Variants in SUGCT observed in about 807,000 individuals in gnomAD.
The protein encoded by SUGCT is succinyl-CoA:glutarate CoA-transferase.
A neutral mutation model predicts 55.0 loss-of-function variants in SUGCT; 41 were observed. The ratio of observed to expected loss-of-function variants is 0.74; its 90% CI spans 0.58 to 0.97. The LOEUF (loss-of-function observed/expected upper bound fraction) is 0.97, where lower values mean the gene tolerates loss of function less well. SUGCT is among the 50% of genes least tolerant of loss of function. The pLI is 0.00. For synonymous variants in SUGCT, 187 were observed against 200.4 expected (o/e 0.93, Z 0.56); for missense variants, 568 against 547.8 (o/e 1.04, Z -0.37).
intron 7 of SUGCT, among the ~76,000 whole-genome samples, chr7:40,268,457 A>T (rs1791757702): frequency 6.6e-6 from 1 of 152,044 alleles, no homozygotes; most frequent in Admixed American, 6.6e-5. Context: ...AAAATATCCC[A>T]CCGTATTGTA....
the SUGCT span, among the ~76,000 whole-genome samples, chr7:40,882,420 C>T: frequency 6.6e-6 from 1 of 152,158 alleles, no homozygotes; most frequent in Non-Finnish European, 1.5e-5. Context: ...ATTTTATCCT[C>T]TTTTCTCCTA....
intron 13 of SUGCT, among the ~76,000 whole-genome samples, chr7:40,840,286 T>C (rs907806494): frequency 5.9e-5 from 9 of 152,138 alleles, no homozygotes; most frequent in African/African-American, 2.2e-4. Context: ...TGGTATATGC[T>C]TGTAATCCTA....
At chr7:40,283,588 A>C (rs1046917362) in intron 8 of SUGCT, among the ~76,000 whole-genome samples, 18 of 152,152 alleles carry the variant, frequency 1.2e-4, no homozygotes, top group African/African-American at 4.1e-4. Context: ...AATGTCCAAC[A>C]CTATGAATCA....
chr7:40,412,469 T>G (rs2151346681), intron 9 of SUGCT, among the ~76,000 whole-genome samples: 1 of 152,352 alleles, frequency 6.6e-6, no homozygotes, highest in East Asian at 1.9e-4. Context: ...TTCTTCATCT[T>G]TTCAAGATAA....
rs2151434502 is a variant in SUGCT at position 40,452,771 on chromosome 7, T to C, written c.888+3413T>C. ...ATGTGCACTTAATAAATGACATCTA[T>C]GAAAATTAGATATGAAGATTCTGGT... On this transcript the variant is annotated intron_variant, in intron 10 of 13. Coordinates refer to ENST00000335693, the MANE Select transcript of SUGCT (RefSeq NM_001193313.2). Among the ~76,000 whole-genome samples the C allele has an allele frequency of 2.0e-5, 3 of 152,258 alleles. No individual in the cohort carries two copies. In the South Asian group the frequency reaches 6.2e-4, roughly 32 times the overall value.
chr7:40,656,064 A>C (rs1383245864), intron 12 of SUGCT, among the ~76,000 whole-genome samples: 2 of 152,150 alleles, frequency 1.3e-5, no homozygotes, highest in Non-Finnish European at 2.9e-5. Flanking sequence ...TACATATGCT[A>C]TACAATTTAA....
chr7:40,513,975 GTAGACAGGATTTCACTGTGT>G (rs1167458025), intron 12 of SUGCT, among the ~76,000 whole-genome samples: 1 of 151,494 alleles, frequency 6.6e-6, no homozygotes, highest in Admixed American at 6.6e-5. Flanking sequence ...TATTTTTAGT[GTAGACAGGATTTCACTGTGT>G]TAGCCAGGAT....
intron 1 of SUGCT, among the ~76,000 whole-genome samples, chr7:40,163,173 A>C (rs1331247436): frequency 6.6e-6 from 1 of 152,192 alleles, no homozygotes; most frequent in Non-Finnish European, 1.5e-5. Context: ...TTGCAAGAGA[A>C]GCTGGAAAAT....
intron 13 of SUGCT, among the ~76,000 whole-genome samples, chr7:40,761,441 A>C (rs936941104): frequency 6.6e-6 from 1 of 152,244 alleles, no homozygotes; most frequent in African/African-American, 2.4e-5. Flanking sequence ...GATAGAGCAC[A>C]GCATTTCCTA....
intron 13 of SUGCT, among the ~76,000 whole-genome samples, chr7:40,832,343 C>T (rs968233148): frequency 5.9e-5 from 9 of 152,244 alleles, no homozygotes; most frequent in Admixed American, 1.3e-4. Context: ...TTGTGAGTAT[C>T]ATCTAATATC....
intron 9 of SUGCT, among the ~76,000 whole-genome samples, chr7:40,398,127 C>G (rs1785843686): frequency 6.6e-6 from 1 of 152,114 alleles, no homozygotes; most frequent in African/African-American, 2.4e-5. Context: ...GGGTCTGGCT[C>G]TGTCATCAAG....
intron 9 of SUGCT, among the ~76,000 whole-genome samples, chr7:40,357,436 G>A (rs1797929636): frequency 1.3e-5 from 2 of 152,138 alleles, no homozygotes; most frequent in African/African-American, 4.8e-5. Context: ...TTAAAAAAAT[G>A]TGACCCTACC....
intron 6 of SUGCT, among the ~76,000 whole-genome samples, chr7:40,221,413 CAA>C (rs200885495): frequency 1.0e-4 from 9 of 87,896 alleles, no homozygotes; most frequent in Admixed American, 3.7e-4. Context: ...GACCCTGTCT[CAA>C]AAAAAAAAAA....
chr7:40,924,674 C>G, the SUGCT span, among the ~76,000 whole-genome samples: 1 of 152,126 alleles, frequency 6.6e-6, no homozygotes, highest in African/African-American at 2.4e-5. Flanking sequence ...GTATCCATTA[C>G]AAGACACTCT....
chr7:40,195,708 C>CTTTTTTTTTT (rs928397687), intron 6 of SUGCT, among the ~76,000 whole-genome samples: 2 of 69,404 alleles, frequency 2.9e-5, no homozygotes, highest in African/African-American at 6.0e-5. Flanking sequence ...GAAAACAATT[C>CTTTTTTTTTT]TTTTTTTTTT....
At chr7:40,239,305 T>A (rs890205530) in intron 7 of SUGCT, among the ~76,000 whole-genome samples, 4 of 152,102 alleles carry the variant, frequency 2.6e-5, no homozygotes, top group African/African-American at 9.7e-5. Context: ...TGTCTTGAAC[T>A]CCTGGACTCA....
intron 11 of SUGCT, among the ~76,000 whole-genome samples, chr7:40,460,233 A>T (rs976065763): frequency 2.6e-5 from 4 of 152,230 alleles, no homozygotes; most frequent in African/African-American, 9.6e-5. Context: ...AACATTTTAT[A>T]ATTTTAAACA....
rs547613242 is a variant in SUGCT at position 40,838,589 on chromosome 7, C to T, written c.1154-21727C>T. On this transcript the variant is annotated intron_variant, in intron 13 of 13. Transcript: ENST00000335693. ...TACATAGAAATGTGATTGCTTTTTGCGTCTTTTATCTTGTATCCTAAGGCC... is the reference window on the plus strand; with the variant it reads ...TACATAGAAATGTGATTGCTTTTTGTGTCTTTTATCTTGTATCCTAAGGCC... Among the ~76,000 whole-genome samples, 8 of 152,072 alleles carry T rather than the reference C, an allele frequency of 5.3e-5. 1 individual carries two copies. The South Asian group carries it at 1.2e-3, about 24-fold the overall frequency.
At chr7:40,136,321 CTT>C (rs1787693208) in intron 1 of SUGCT, among the ~76,000 whole-genome samples, 1 of 152,132 alleles carries the variant, frequency 6.6e-6, no homozygotes, top group Non-Finnish European at 1.5e-5. Context: ...CTTAAAAGAG[CTT>C]TAGGACTCAT....
Sources: gnomAD v4.1 joint callset for allele counts (sites outside exome capture counted in the v4.1 genomes callset) on GRCh38, gnomAD v4.1.1 for gene constraint, MANE v1.5 for transcripts, NCBI Gene and HGNC (gene_info 2026-07-23, HGNC 2026-07-21) for gene names.